Variants in PTPRN2 observed in about 807,000 individuals in gnomAD.
The protein encoded by PTPRN2 is protein tyrosine phosphatase receptor type N2, also known as receptor-type tyrosine-protein phosphatase N2.
In PTPRN2, 74 loss-of-function variants were observed where a neutral mutation model predicts 118.8. The observed-to-expected ratio is 0.62, with a 90% confidence interval of 0.52 to 0.76. PTPRN2 has a LOEUF of 0.76. Among genes scored for constraint, PTPRN2 ranks in the 30% least tolerant of loss-of-function variants. The pLI is 0.00. For synonymous variants in PTPRN2, 641 were observed against 608.0 expected, an observed-to-expected ratio of 1.05 and a Z score of -0.80; for missense variants, 1,481 against 1,394.4, an observed-to-expected ratio of 1.06 and a Z score of -0.99.
intron 2 of PTPRN2, among the ~76,000 whole-genome samples, chr7:158,437,549 C>T (rs762184330): frequency 3.3e-5 from 5 of 152,134 alleles, no homozygotes; most frequent in Non-Finnish European, 7.4e-5. Flanking sequence ...GGGTAGATCC[C>T]CTTAACTCAA....
At chr7:158,136,725 C>A (rs747238414) in intron 7 of PTPRN2, 30 bp from the exon 8 acceptor site, 1 of 1,610,746 alleles carries the variant, frequency 6.2e-7, no homozygotes, top group Admixed American at 1.7e-5. Flanking sequence ...TACCAAGACC[C>A]TCATCAAGAA....
In PTPRN2 at chr7:157,929,869, A is replaced by G. The variant is rs1315566424; in HGVS notation, c.1724-31132T>C. On this transcript the variant is annotated intron_variant, in intron 11 of 22. Coordinates refer to ENST00000389418, the MANE Select transcript of PTPRN2 (RefSeq NM_002847.5). The surrounding 1 kb of genome is among the most constrained non-coding windows in gnomAD (Gnocchi z 4.4). ...ACTGGAGGTCGGCACGCTTATTGTA[A>G]TGAATCTGAAGGCAGCCCCCACCAA... 1.3e-5 allele frequency among the ~76,000 whole-genome samples: 2 copies of G among 151,818 alleles called. No individual in the cohort carries two copies. The highest frequency in any genetic ancestry group is 4.8e-5 in the African/African-American group (2 of 41,398).
intron 10 of PTPRN2, among the ~76,000 whole-genome samples, chr7:158,087,341 A>G (rs959936027): frequency 2.0e-5 from 3 of 152,122 alleles, no homozygotes; most frequent in Admixed American, 2.0e-4. Flanking sequence ...AGATCTCATG[A>G]GGAATCTGTA....
chr7:157,666,065 A>G (rs1796122066), intron 13 of PTPRN2, among the ~76,000 whole-genome samples: 1 of 152,128 alleles, frequency 6.6e-6, no homozygotes, highest in Non-Finnish European at 1.5e-5. Flanking sequence ...GCAATCCAAC[A>G]TGGCACATGT....
intron 17 of PTPRN2, among the ~76,000 whole-genome samples, chr7:157,589,588 A>G (rs1206271881): frequency 1.3e-5 from 2 of 152,206 alleles, no homozygotes; most frequent in African/African-American, 4.8e-5. Context: ...GCTTGTTGAC[A>G]GCAACCAGAG....
intron 13 of PTPRN2, among the ~76,000 whole-genome samples, chr7:157,666,873 C>T (rs1796161562): frequency 6.6e-6 from 1 of 151,846 alleles, no homozygotes; most frequent in Non-Finnish European, 1.5e-5. Flanking sequence ...CGGCACTGAT[C>T]TCAGGTGGGT....
intron 1 of PTPRN2, among the ~76,000 whole-genome samples, chr7:158,585,299 C>G (rs1009959750): frequency 9.2e-5 from 14 of 152,202 alleles, no homozygotes; most frequent in African/African-American, 3.4e-4. Flanking sequence ...CATTCTGCCC[C>G]AAGGTGGCTC....
At chr7:157,842,394 G>A (rs1808489066) in intron 12 of PTPRN2, among the ~76,000 whole-genome samples, 1 of 148,704 alleles carries the variant, frequency 6.7e-6, no homozygotes, top group Non-Finnish European at 1.5e-5. Context: ...GCCGCTTTGT[G>A]TGCAGATTCA....
At chr7:158,009,595 A>T (rs1225052719) in intron 11 of PTPRN2, among the ~76,000 whole-genome samples, 1 of 152,206 alleles carries the variant, frequency 6.6e-6, no homozygotes, top group Non-Finnish European at 1.5e-5. Context: ...TTAGATGAGT[A>T]AAATTTTCCC....
At chr7:158,385,902 G>C (rs551852475) in intron 2 of PTPRN2, among the ~76,000 whole-genome samples, 1 of 147,088 alleles carries the variant, frequency 6.8e-6, no homozygotes, top group Non-Finnish European at 1.5e-5. Flanking sequence ...CCCTCCTTCC[G>C]TGCTCCTCCT....
intron 10 of PTPRN2, among the ~76,000 whole-genome samples, chr7:158,095,425 T>C (rs1242177412): frequency 1.3e-5 from 2 of 152,024 alleles, no homozygotes; most frequent in Non-Finnish European, 2.9e-5. Context: ...ACCCTTTATT[T>C]GGTGTTAAGT....
chr7:158,518,151 T>C lies in PTPRN2; in HGVS notation c.113-28366A>G, dbSNP rs145337627. ...AGTTACTGCCATGGTGTCTATAAAA[T>C]AGTTAGAGCCCAATAGTTCTTACTG... On this transcript the variant is annotated intron_variant, in intron 1 of 22. Coordinates refer to ENST00000389418, the MANE Select transcript of PTPRN2 (RefSeq NM_002847.5). Among the ~76,000 whole-genome samples the C allele has an allele frequency of 5.9e-4, 90 of 152,292 alleles. 1 individual carries two copies. The highest frequency in any genetic ancestry group is 1.9e-3 in the African/African-American group (77 of 41,554).
intron 3 of PTPRN2, among the ~76,000 whole-genome samples, chr7:158,294,802 C>T (rs1178004285): frequency 6.6e-6 from 1 of 152,196 alleles, no homozygotes; most frequent in African/African-American, 2.4e-5. Flanking sequence ...GCCCACGGCA[C>T]CCGCTGACCC....
intron 16 of PTPRN2, 51 bp from the exon 17 acceptor site, chr7:157,595,366 T>TTAGGAAGCCA (rs1801234033): frequency 8.5e-7 from 1 of 1,177,866 alleles, no homozygotes; most frequent in Admixed American, 2.1e-5. Context: ...TTAGGAAGCC[T>TTAGGAAGCCA]GGAGGTTAGG....
At position 158,205,219 on chromosome 7, in the gene PTPRN2, T is replaced by C. The variant is rs2150746636; in HGVS notation, c.332A>G (p.Asp111Gly). Reference sequence around the variant, plus strand: ...ACGCCTCAGGTAGGTTTTCGGGAGGTCTGCAAGTTCCTGGTCCATCACATA... The same window carrying C: ...ACGCCTCAGGTAGGTTTTCGGGAGGCCTGCAAGTTCCTGGTCCATCACATA... Reference protein sequence around the residue: ...TQYVMDQELADLPKTYLRRPE... With the variant: ...TQYVMDQELAGLPKTYLRRPE... The change falls in exon 4 of 23, where the codon GAC becomes GGC. Residue 111 changes from aspartate to glycine, a missense_variant. By Grantham distance (94) the Asp-to-Gly change is moderately conservative (BLOSUM62 -1). Transcript: ENST00000389418. 1.2e-6 allele frequency: 2 copies of C among 1,614,040 alleles called. No individual in the cohort carries two copies. The highest frequency in any genetic ancestry group is 1.7e-6 in the Non-Finnish European group (2 of 1,180,018).
At position 157,808,025 on chromosome 7, in the gene PTPRN2, G is replaced by C. The variant is rs901659121; in HGVS notation, c.1788+90648C>G. 7.2e-5 allele frequency among the ~76,000 whole-genome samples: 11 copies of C among 152,218 alleles called. 1 individual carries two copies. Among genetic ancestry groups the C allele is most frequent in the Admixed American group, 7.2e-4 (11 of 15,282 alleles). On this transcript the variant is annotated intron_variant, in intron 12 of 22. Transcript: ENST00000389418. The surrounding 1 kb of genome is among the most constrained non-coding windows in gnomAD (Gnocchi z 5.0). Reference sequence around the variant, plus strand: ...CAGCAGAGCTGAGGTCCAACTCCAAGTGTGTTTGCCCCCAAACTCACACTC... The same window carrying C: ...CAGCAGAGCTGAGGTCCAACTCCAACTGTGTTTGCCCCCAAACTCACACTC...
Position 158,175,492 on chromosome 7 carries a change from CTGTCTT to C in PTPRN2, c.550-8207_550-8202del, listed in dbSNP as rs549967511. ...TCTCTGTGTATCTCTGCCTCTGTCT[CTGTCTT>C]AACACAGTAGAAAGTGTCAGTGTTT... On this transcript the variant is annotated intron_variant, in intron 5 of 22. Coordinates refer to ENST00000389418, the MANE Select transcript of PTPRN2 (RefSeq NM_002847.5). Among the ~76,000 whole-genome samples, 8 of 152,302 alleles carry C rather than the reference CTGTCTT, an allele frequency of 5.3e-5. No homozygotes were observed. The East Asian group carries it at 1.5e-3, about 29-fold the overall frequency.
intron 11 of PTPRN2, among the ~76,000 whole-genome samples, chr7:157,999,293 A>C (rs1255756405): frequency 1.3e-5 from 2 of 152,146 alleles, no homozygotes; most frequent in Non-Finnish European, 2.9e-5. Context: ...ATCTCCTTTA[A>C]ATAAACAGCA....
At chr7:157,809,728 G>A (rs1805863177) in intron 12 of PTPRN2, among the ~76,000 whole-genome samples, 1 of 152,126 alleles carries the variant, frequency 6.6e-6, no homozygotes, top group African/African-American at 2.4e-5. Context: ...AGAGCTTCCT[G>A]AGCACGTGGC....
Sources: allele counts gnomAD v4.1 joint callset (sites outside exome capture counted in the v4.1 genomes callset), GRCh38; gene constraint gnomAD v4.1.1; non-coding constraint Gnocchi (gnomAD v3.1); transcripts MANE v1.5; gene names NCBI Gene and HGNC (gene_info 2026-07-23, HGNC 2026-07-21).